The following CSTPP1 variants were observed in gnomAD, a reference collection of about 807,000 sequenced individuals.
CSTPP1 encodes centriolar satellite-associated tubulin polyglutamylase complex regulator 1, also known as UPF0705 protein C11orf49.
At chr11:47,079,994 G>C in the CSTPP1 span, among the ~76,000 whole-genome samples, 1 of 152,102 alleles carries the variant, frequency 6.6e-6, no homozygotes, top group African/African-American at 2.4e-5. Flanking sequence ...CTACTTGGGA[G>C]GGTGAGGCAG....
the CSTPP1 span, among the ~76,000 whole-genome samples, chr11:47,014,027 A>G: frequency 6.6e-6 from 1 of 152,050 alleles, no homozygotes; most frequent in Non-Finnish European, 1.5e-5. Flanking sequence ...GCAACATGAC[A>G]AAACCCCATC....
At chr11:47,124,971 C>T in the CSTPP1 span, among the ~76,000 whole-genome samples, 573 of 152,190 alleles carry the variant, frequency 3.8e-3, 3 homozygotes, top group Non-Finnish European at 6.4e-3. Context: ...GGATCCTTTA[C>T]CAGGAAACCA....
At chr11:46,969,628 C>A in the CSTPP1 span, among the ~76,000 whole-genome samples, 1 of 152,098 alleles carries the variant, frequency 6.6e-6, no homozygotes, top group Non-Finnish European at 1.5e-5. Flanking sequence ...CAAATGCCGT[C>A]AACAGTGGAA....
the CSTPP1 span, among the ~76,000 whole-genome samples, chr11:46,998,760 GAGTCTT>G: frequency 6.6e-6 from 1 of 151,872 alleles, no homozygotes; most frequent in Admixed American, 6.6e-5. Context: ...TTTTGAGATG[GAGTCTT>G]GCTCTGTCGC....
At chr11:47,132,927 C>A in the CSTPP1 span, among the ~76,000 whole-genome samples, 2 of 152,196 alleles carry the variant, frequency 1.3e-5, no homozygotes, top group Admixed American at 1.3e-4. Context: ...GCCCTAGTTT[C>A]TTTATTTCTA....
At chr11:47,112,142 C>G in the CSTPP1 span, among the ~76,000 whole-genome samples, 1 of 152,174 alleles carries the variant, frequency 6.6e-6, no homozygotes, top group African/African-American at 2.4e-5. Flanking sequence ...CCCTTCAAAT[C>G]TTCACTTGAG....
the CSTPP1 span, among the ~76,000 whole-genome samples, chr11:47,046,924 G>A: frequency 8.0e-6 from 1 of 124,462 alleles, no homozygotes. Context: ...TTTTTGAGAT[G>A]GAGTCTCACT....
chr11:47,161,195 G>T, the CSTPP1 span: 2 of 1,614,162 alleles, frequency 1.2e-6, no homozygotes, highest in Non-Finnish European at 1.7e-6. Flanking sequence ...ACGGCTGTAA[G>T]TGTCAAGTGG....
the CSTPP1 span, among the ~76,000 whole-genome samples, chr11:47,122,086 AAAAAAATATAT>A: frequency 1.9e-5 from 2 of 102,618 alleles, no homozygotes; most frequent in African/African-American, 7.7e-5. Flanking sequence ...AAAAAAAAAA[AAAAAAATATAT>A]ATATATATAT....
At chr11:46,962,910 C>T in the CSTPP1 span, among the ~76,000 whole-genome samples, 1 of 152,046 alleles carries the variant, frequency 6.6e-6, no homozygotes, top group Non-Finnish European at 1.5e-5. Context: ...GCCGTGTTCA[C>T]ATTACTGCAC....
At chr11:47,025,388 C>T in the CSTPP1 span, among the ~76,000 whole-genome samples, 1 of 152,160 alleles carries the variant, frequency 6.6e-6, no homozygotes, top group East Asian at 1.9e-4. Context: ...ATGTGGATGG[C>T]TCTAAAAGAA....
At chr11:47,085,807 T>C in the CSTPP1 span, among the ~76,000 whole-genome samples, 9 of 151,834 alleles carry the variant, frequency 5.9e-5, no homozygotes, top group African/African-American at 2.4e-5. Flanking sequence ...GGAAAATCAC[T>C]TGAACCCAGG....
At chr11:47,125,031 T>A in the CSTPP1 span, among the ~76,000 whole-genome samples, 1 of 152,154 alleles carries the variant, frequency 6.6e-6, no homozygotes, top group African/African-American at 2.4e-5. Flanking sequence ...ACTACTAACA[T>A]CAATTTCCTT....
chr11:46,957,827 C>G, the CSTPP1 span, among the ~76,000 whole-genome samples: 1 of 151,998 alleles, frequency 6.6e-6, no homozygotes, highest in South Asian at 2.1e-4. Flanking sequence ...TATGAATATC[C>G]TTAACCTTTC....
chr11:47,073,445 G>A, the CSTPP1 span, among the ~76,000 whole-genome samples: 1 of 152,326 alleles, frequency 6.6e-6, no homozygotes, highest in East Asian at 1.9e-4. Flanking sequence ...TGTAATCCGA[G>A]CACTTTGGGG....
At chr11:47,124,927 A>G in the CSTPP1 span, among the ~76,000 whole-genome samples, 3 of 152,200 alleles carry the variant, frequency 2.0e-5, no homozygotes, top group Non-Finnish European at 4.4e-5. Context: ...TTTTATTAAA[A>G]TAAGATGAGT....
the CSTPP1 span, among the ~76,000 whole-genome samples, chr11:47,125,594 C>G: frequency 6.6e-6 from 1 of 152,162 alleles, no homozygotes; most frequent in Non-Finnish European, 1.5e-5. Context: ...GTGGAAAGCT[C>G]AGAGGAAGTA....
the CSTPP1 span, among the ~76,000 whole-genome samples, chr11:47,107,757 T>C: frequency 6.6e-6 from 1 of 152,216 alleles, no homozygotes; most frequent in Non-Finnish European, 1.5e-5. Flanking sequence ...GCACATTGAA[T>C]TAAGAAAGAA....
At chr11:47,075,311 C>T in the CSTPP1 span, among the ~76,000 whole-genome samples, 1 of 152,026 alleles carries the variant, frequency 6.6e-6, no homozygotes, top group East Asian at 1.9e-4. Context: ...ACAGAGGCTG[C>T]AGTGAGCCGA....
Sources: allele counts gnomAD v4.1 joint callset (sites outside exome capture counted in the v4.1 genomes callset), GRCh38; gene constraint gnomAD v4.1.1; transcripts MANE v1.5; gene names NCBI Gene and HGNC (gene_info 2026-07-23, HGNC 2026-07-21).